The following CCDC148 variants were observed in gnomAD, a reference collection of about 807,000 sequenced individuals.
CCDC148 encodes coiled-coil domain containing 148, also known as coiled-coil domain-containing protein 148.
Under a neutral mutation model 85.7 loss-of-function variants are expected in CCDC148, and 89 were observed. That is an observed-to-expected ratio of 1.04 (90% CI 0.87 to 1.24). The LOEUF (loss-of-function observed/expected upper bound fraction) is 1.24. Among genes scored for constraint, CCDC148 ranks in the 50% most tolerant of loss-of-function variants. CCDC148 has a pLI of 0.00. For missense variants in CCDC148, 692 were observed against 671.7 expected (o/e 1.03, Z -0.33); for synonymous variants, 230 against 213.9 (o/e 1.08, Z -0.66).
chr2:158,289,123 G>C (rs1690772286), intron 9 of CCDC148, among the ~76,000 whole-genome samples: 1 of 152,186 alleles, frequency 6.6e-6, no homozygotes, highest in African/African-American at 2.4e-5. Flanking sequence ...TGAGATTTCA[G>C]TGGGGACACA....
chr2:158,338,964 T>A, intron 6 of CCDC148, 26 bp downstream of exon 6: 1 of 1,602,832 alleles, frequency 6.2e-7, no homozygotes, highest in Middle Eastern at 1.7e-4. Flanking sequence ...GATAAACACA[T>A]AAATTATTAG....
chr2:158,360,249 C>A (rs565960914), intron 1 of CCDC148, among the ~76,000 whole-genome samples: 1 of 152,192 alleles, frequency 6.6e-6, no homozygotes, highest in Non-Finnish European at 1.5e-5. Context: ...GTGAGCGCAG[C>A]TTCAGCAAAC....
At chr2:158,374,562 T>G (rs986998747) in intron 1 of CCDC148, among the ~76,000 whole-genome samples, 8 of 151,942 alleles carry the variant, frequency 5.3e-5, no homozygotes, top group African/African-American at 1.9e-4. Flanking sequence ...TGCCCACACG[T>G]AGACCAAACT....
At chr2:158,373,011 G>T (rs1338105096) in intron 1 of CCDC148, among the ~76,000 whole-genome samples, 9 of 152,042 alleles carry the variant, frequency 5.9e-5, no homozygotes, top group Admixed American at 5.9e-4. Flanking sequence ...AATTAAGGTG[G>T]CAAAGATAAT....
At chr2:158,258,022 G>C (rs1186087840) in intron 9 of CCDC148, among the ~76,000 whole-genome samples, 2 of 151,756 alleles carry the variant, frequency 1.3e-5, no homozygotes, top group Non-Finnish European at 2.9e-5. Context: ...CCAGTTCTGG[G>C]CCTCAAATCC....
intron 8 of CCDC148, among the ~76,000 whole-genome samples, chr2:158,311,639 T>G (rs1022126508): frequency 2.0e-5 from 3 of 152,218 alleles, no homozygotes; most frequent in Admixed American, 6.5e-5. Flanking sequence ...TACGCCATCT[T>G]TACATCAGTT....
intron 1 of CCDC148, among the ~76,000 whole-genome samples, chr2:158,379,842 C>A (rs1025425566): frequency 3.3e-5 from 5 of 152,114 alleles, no homozygotes; most frequent in African/African-American, 1.2e-4. Flanking sequence ...GTAAACATAA[C>A]TTTTACAGGC....
At chr2:158,433,087 A>ATATATATATATATATATATAT (rs1242018411) in intron 1 of CCDC148, among the ~76,000 whole-genome samples, 1 of 51,612 alleles carries the variant, frequency 1.9e-5, no homozygotes, top group East Asian at 5.7e-4. Context: ...AAAAAAAAAA[A>ATATATATATATATATATATAT]AAAAATATAT....
At chr2:158,240,661 G>A (rs534150253) in intron 10 of CCDC148, among the ~76,000 whole-genome samples, 1 of 151,932 alleles carries the variant, frequency 6.6e-6, no homozygotes, top group Non-Finnish European at 1.5e-5. Context: ...TTTTCCCACC[G>A]CCTGAAGCCC....
chr2:158,189,317 C>T (rs1356541540), intron 11 of CCDC148, among the ~76,000 whole-genome samples: 4 of 151,824 alleles, frequency 2.6e-5, no homozygotes, highest in Non-Finnish European at 5.9e-5. Context: ...TTGTCAGTTG[C>T]TTCTGAAGAT....
intron 1 of CCDC148, among the ~76,000 whole-genome samples, chr2:158,435,824 A>G (rs985484353): frequency 6.6e-6 from 1 of 152,218 alleles, no homozygotes; most frequent in African/African-American, 2.4e-5. Flanking sequence ...AGGGGTTGCA[A>G]TCCTAGTCTC....
At chr2:158,214,121 TAAAAAAAAAAAA>T (rs70990697) in intron 11 of CCDC148, among the ~76,000 whole-genome samples, 9 of 96,630 alleles carry the variant, frequency 9.3e-5, no homozygotes, top group African/African-American at 3.6e-4. Context: ...AACATTGTGG[TAAAAAAAAAAAA>T]AAAAAAAAAA....
chr2:158,341,160 CTAA>C (rs1293989449), intron 3 of CCDC148, among the ~76,000 whole-genome samples: 1 of 151,938 alleles, frequency 6.6e-6, no homozygotes, highest in Non-Finnish European at 1.5e-5. Flanking sequence ...TTTTAATATA[CTAA>C]TAAGAGCAAC....
intron 2 of CCDC148, among the ~76,000 whole-genome samples, chr2:158,351,950 C>A (rs987893066): frequency 5.5e-5 from 8 of 145,588 alleles, no homozygotes; most frequent in Non-Finnish European, 1.0e-4. Flanking sequence ...TGGGAGGCAC[C>A]CCCCAGCAGG....
chr2:158,409,069 G>T (rs1432090445), intron 1 of CCDC148, among the ~76,000 whole-genome samples: 1 of 151,886 alleles, frequency 6.6e-6, no homozygotes, highest in Non-Finnish European at 1.5e-5. Context: ...TATATATAGA[G>T]AGAGAAATAT....
At chr2:158,287,820 G>A (rs1690699579) in intron 9 of CCDC148, among the ~76,000 whole-genome samples, 1 of 152,210 alleles carries the variant, frequency 6.6e-6, no homozygotes. Flanking sequence ...ATTAGGCAGT[G>A]CCCCAGTAGG....
chr2:158,269,392 T>C (rs551704656), intron 9 of CCDC148, among the ~76,000 whole-genome samples: 4 of 152,258 alleles, frequency 2.6e-5, no homozygotes, highest in South Asian at 4.1e-4. Context: ...TGCTCATAGG[T>C]AGGACCTGGC....
At chr2:158,316,189 G>C (rs901954524) in intron 7 of CCDC148, among the ~76,000 whole-genome samples, 2 of 152,200 alleles carry the variant, frequency 1.3e-5, no homozygotes, top group Non-Finnish European at 2.9e-5. Context: ...CTGAGTGGCA[G>C]TGCAAGATTG....
chr2:158,219,757 C>T (rs541918951), intron 11 of CCDC148, among the ~76,000 whole-genome samples: 1 of 152,188 alleles, frequency 6.6e-6, no homozygotes, highest in African/African-American at 2.4e-5. Flanking sequence ...TCTTAACGCA[C>T]CCAAGAACTT....
Sources: allele counts gnomAD v4.1 joint callset (sites outside exome capture counted in the v4.1 genomes callset), GRCh38; gene constraint gnomAD v4.1.1; transcripts MANE v1.5; gene names NCBI Gene and HGNC (gene_info 2026-07-23, HGNC 2026-07-21).